The following TLN2 variants were observed in gnomAD, a reference collection of about 807,000 sequenced individuals.
The protein encoded by TLN2 is talin 2.
TLN2 carries 118 observed loss-of-function variants against 294.7 expected under a neutral mutation model. That is an observed-to-expected ratio of 0.40 (90% CI 0.34 to 0.47). The LOEUF (loss-of-function observed/expected upper bound fraction) is 0.47. TLN2 is among the 20% of genes least tolerant of loss of function. The probability of loss-of-function intolerance (pLI) is 0.84; values close to 1 mark genes in which losing one functional copy is unlikely to be tolerated. For synonymous variants in TLN2, 1,431 were observed against 1,304.5 expected (o/e 1.10, Z -2.09); for missense variants, 3,083 against 3,282.2 (o/e 0.94, Z 1.48).
chr15:62,702,614 C>T (rs985642406), intron 18 of TLN2, 152 bp from the exon 19 acceptor site: 101 of 705,426 alleles, frequency 1.4e-4, no homozygotes, highest in Admixed American at 3.1e-4. Flanking sequence ...CGGATTTCAC[C>T]GGGATGTCTT....
intron 11 of TLN2, among the ~76,000 whole-genome samples, chr15:62,677,673 T>A: frequency 6.6e-6 from 1 of 152,016 alleles, no homozygotes; most frequent in Non-Finnish European, 1.5e-5. Context: ...TAGACTTTTT[T>A]TTCCTTTCTT....
At chr15:62,573,787 T>C (rs2044141613) in intron 1 of TLN2, among the ~76,000 whole-genome samples, 1 of 151,626 alleles carries the variant, frequency 6.6e-6, no homozygotes, top group African/African-American at 2.4e-5. Context: ...TTTTTTTTTT[T>C]TTAAAACAAC....
chr15:62,819,434 C>T, intron 52 of TLN2, 82 bp from the exon 53 acceptor site: 2 of 1,187,418 alleles, frequency 1.7e-6, no homozygotes, highest in Non-Finnish European at 2.5e-6. Flanking sequence ...CCTGACTCCA[C>T]ATCCAGCAAG....
chr15:62,800,374 T>C lies in TLN2; in HGVS notation c.6241T>C (p.Leu2081=), dbSNP rs2065850448. 1 of 1,613,780 alleles carries C rather than the reference T, an allele frequency of 6.2e-7. No individual in the cohort carries two copies. The highest frequency in any genetic ancestry group is 8.5e-7 in the Non-Finnish European group (1 of 1,179,972). Reference sequence around the variant, plus strand: ...GTTCTGTGCTCTCTTTCAGGTGGTTTTGATCAATGCCATCAAAGATGTGGC... The same window carrying C: ...GTTCTGTGCTCTCTTTCAGGTGGTTCTGATCAATGCCATCAAAGATGTGGC... ...GSDDPETQVV[L]INAIKDVAKA... Residue 2081 remains leucine (L), a synonymous_variant, in exon 49 of 59, where the codon TTG becomes CTG. Transcript: ENST00000636159.
intron 41 of TLN2, 36 bp downstream of exon 41, chr15:62,766,458 G>A (rs537158644): frequency 2.1e-5 from 33 of 1,560,964 alleles, no homozygotes; most frequent in East Asian, 2.0e-4. Flanking sequence ...GAGGGTGTGC[G>A]TGTTATCACA....
At chr15:62,467,446 A>G (rs2037200806) in intron 1 of TLN2, among the ~76,000 whole-genome samples, 1 of 152,050 alleles carries the variant, frequency 6.6e-6, no homozygotes. Context: ...TAATCCCAGC[A>G]CTTTGGGAGG....
chr15:62,810,021 C>A lies in TLN2; in HGVS notation c.6760C>A (p.His2254Asn), dbSNP rs1010779051. ...CTLGYLDLLEHVLVILQKPTP... is the reference protein window; with the variant it reads ...CTLGYLDLLENVLVILQKPTP... ...CCTTGGCTACTTGGACCTCCTGGAG[C>A]ACGTCTTGGTGGTAAGAAAGCGCAT... Residue 2254 changes from histidine to asparagine, a missense_variant, in exon 52 of 59, where the codon CAC becomes AAC. Physicochemically the swap from His to Asn is moderately conservative, Grantham distance 68. Transcript: ENST00000636159. 6.2e-7 allele frequency: 1 copy of A among 1,613,904 alleles called. No individual in the cohort carries two copies. Among genetic ancestry groups the A allele is most frequent in the Non-Finnish European group, 8.5e-7 (1 of 1,179,912 alleles).
At chr15:62,399,157 G>C (rs1323179356) in intron 1 of TLN2, among the ~76,000 whole-genome samples, 1 of 144,138 alleles carries the variant, frequency 6.9e-6, no homozygotes, top group African/African-American at 2.5e-5. Context: ...CAAGAATTGA[G>C]GTTTGGGAAC....
intron 54 of TLN2, chr15:62,823,990 G>C (rs1555521311): frequency 3.8e-6 from 2 of 530,882 alleles, no homozygotes; most frequent in Non-Finnish European, 7.7e-6. Flanking sequence ...TGATATATTA[G>C]GTTGTTATTT....
At chr15:62,731,729 C>T (rs376766395) in intron 28 of TLN2, among the ~76,000 whole-genome samples, 1 of 152,150 alleles carries the variant, frequency 6.6e-6, no homozygotes, top group African/African-American at 2.4e-5. Context: ...ATTGGACTCA[C>T]TCCTTCATTT....
intron 1 of TLN2, among the ~76,000 whole-genome samples, chr15:62,504,569 A>G (rs1167788965): frequency 6.6e-6 from 1 of 152,224 alleles, no homozygotes; most frequent in African/African-American, 2.4e-5. Context: ...CTGTAATTCA[A>G]TGGAGAATGG....
At chr15:62,451,958 G>GGTGT (rs148333889) in intron 1 of TLN2, among the ~76,000 whole-genome samples, 1 of 151,688 alleles carries the variant, frequency 6.6e-6, no homozygotes, top group Non-Finnish European at 1.5e-5. Flanking sequence ...AGTCAAAAGG[G>GGTGT]GTGTGTGTGT....
At chr15:62,647,219 TCCCCAAGAC>T in intron 3 of TLN2, 47 bp from the exon 4 acceptor site, 1 of 1,481,952 alleles carries the variant, frequency 6.7e-7, no homozygotes, top group Non-Finnish European at 9.0e-7. Context: ...TGTTTTTTTT[TCCCCAAGAC>T]AAATTATTAT....
intron 1 of TLN2, among the ~76,000 whole-genome samples, chr15:62,493,950 C>T (rs2038884525): frequency 6.6e-6 from 1 of 152,108 alleles, no homozygotes; most frequent in African/African-American, 2.4e-5. Flanking sequence ...ATCTCCTTGT[C>T]TCAGGGGAGG....
At chr15:62,625,614 G>A (rs529901986) in intron 3 of TLN2, among the ~76,000 whole-genome samples, 2 of 152,314 alleles carry the variant, frequency 1.3e-5, no homozygotes, top group African/African-American at 4.8e-5. Flanking sequence ...GCACGCAGGC[G>A]AGGGCTGGGG....
chr15:62,551,539 C>T (rs1255225105), intron 1 of TLN2, among the ~76,000 whole-genome samples: 5 of 139,226 alleles, frequency 3.6e-5, no homozygotes, highest in Non-Finnish European at 1.6e-5. Context: ...CACACACACA[C>T]ACACACACAA....
intron 9 of TLN2, among the ~76,000 whole-genome samples, chr15:62,666,167 T>C (rs1434029406): frequency 1.3e-5 from 2 of 152,154 alleles, no homozygotes; most frequent in African/African-American, 4.8e-5. Context: ...TGGTTCAGGA[T>C]GACAGAACTG....
chr15:62,783,945 C>A (rs929294066), intron 45 of TLN2, 55 bp downstream of exon 45: 1 of 1,605,344 alleles, frequency 6.2e-7, no homozygotes, highest in African/African-American at 1.3e-5. Context: ...GGTGCCCACT[C>A]CTGGGTATTT....
intron 1 of TLN2, among the ~76,000 whole-genome samples, chr15:62,529,628 C>T (rs1037436373): frequency 2.0e-5 from 3 of 151,128 alleles, no homozygotes; most frequent in Non-Finnish European, 2.9e-5. Flanking sequence ...AATTATGACT[C>T]CTACCTCTGT....
Sources: allele counts gnomAD v4.1 joint callset (sites outside exome capture counted in the v4.1 genomes callset), GRCh38; gene constraint gnomAD v4.1.1; transcripts MANE v1.5; gene names NCBI Gene and HGNC (gene_info 2026-07-23, HGNC 2026-07-21).